Variants in KALRN observed in about 807,000 individuals in gnomAD.
KALRN encodes the protein kalirin.
Under a neutral mutation model 353.7 loss-of-function variants are expected in KALRN, and 70 were observed. The observed-to-expected ratio is 0.20, with a 90% CI of 0.16 to 0.24. The LOEUF is 0.24. Among genes scored for constraint, KALRN ranks in the 10% least tolerant of loss-of-function variants. The pLI is 1.00. For missense variants in KALRN, 2,791 were observed against 3,756.7 expected, an observed-to-expected ratio of 0.74 and a Z score of 6.72; for synonymous variants, 1,391 against 1,434.8, an observed-to-expected ratio of 0.97 and a Z score of 0.69.
chr3:124,696,294 A>T lies in KALRN; in HGVS notation c.7699+39A>T, dbSNP rs766752945. 2.5e-6 allele frequency: 4 copies of T among 1,597,430 alleles called. No individual in the cohort carries two copies. The East Asian group carries it at 9.0e-5, about 36-fold the overall frequency. Reference sequence around the variant, plus strand: ...GTTAGTCAAACCTTTTGAAATATATATATATTTTTAGACAGGTTCTTGCTC... The same window carrying T: ...GTTAGTCAAACCTTTTGAAATATATTTATATTTTTAGACAGGTTCTTGCTC... On this transcript the variant is annotated intron_variant, in intron 54 of 59. Coordinates refer to ENST00000682506, the MANE Select transcript of KALRN (RefSeq NM_001388419.1).
chr3:124,338,049 A>G (rs2081311145), intron 9 of KALRN, among the ~76,000 whole-genome samples: 1 of 151,974 alleles, frequency 6.6e-6, no homozygotes. Context: ...TAGTCTGGCT[A>G]GTGATCTATC....
At position 124,637,203 on chromosome 3, in the gene KALRN, T is replaced by C; in HGVS notation, c.5569-5T>C. 1 of 1,611,722 alleles carries C rather than the reference T, an allele frequency of 6.2e-7. No homozygotes were observed. The highest frequency in any genetic ancestry group is 8.5e-7 in the Non-Finnish European group (1 of 1,177,744). On this transcript the variant is annotated splice_region_variant and splice_polypyrimidine_tract_variant and intron_variant, in intron 36 of 59. Transcript: ENST00000682506. ...GCTTTTCCTCTGCTGCCCGATGTCT[T>C]GCAGTCCTCCTCTTTGCTAGCAGCC...
intron 23 of KALRN, 44 bp from the exon 24 acceptor site, chr3:124,461,846 C>T (rs376474724): frequency 1.4e-6 from 2 of 1,408,424 alleles, no homozygotes; most frequent in African/African-American, 2.8e-5. Flanking sequence ...GGAGGAGAGA[C>T]ATTATATCTA....
intron 15 of KALRN, among the ~76,000 whole-genome samples, chr3:124,426,822 T>C (rs1034451925): frequency 5.9e-5 from 9 of 152,212 alleles, no homozygotes; most frequent in African/African-American, 2.2e-4. Context: ...CTCACATCTA[T>C]TAGACAATTC....
At chr3:124,342,137 T>C (rs2081801858) in intron 9 of KALRN, among the ~76,000 whole-genome samples, 2 of 150,040 alleles carry the variant, frequency 1.3e-5, no homozygotes. Flanking sequence ...TTCATTTAAG[T>C]CTGAGGGTAT....
intron 28 of KALRN, among the ~76,000 whole-genome samples, chr3:124,483,265 GTC>G (rs1253360862): frequency 1.3e-5 from 2 of 152,152 alleles, no homozygotes; most frequent in Non-Finnish European, 2.9e-5. Flanking sequence ...AAGAGGCAGA[GTC>G]TTGCCAGGCA....
intron 43 of KALRN, among the ~76,000 whole-genome samples, chr3:124,660,187 C>T (rs1297701226): frequency 8.5e-5 from 13 of 152,154 alleles, no homozygotes; most frequent in Admixed American, 8.5e-4. Context: ...CCCACCTTGG[C>T]CTCCCAAAGT....
At chr3:124,658,049 G>T (rs868777633) in intron 41 of KALRN, among the ~76,000 whole-genome samples, 75 of 152,294 alleles carry the variant, frequency 4.9e-4, no homozygotes, top group African/African-American at 1.7e-3. Flanking sequence ...AGCCACTTGG[G>T]GGGGCGGAGG....
intron 34 of KALRN, among the ~76,000 whole-genome samples, chr3:124,594,934 CT>C (rs1339725100): frequency 7.9e-5 from 12 of 151,730 alleles, no homozygotes; most frequent in Non-Finnish European, 2.9e-5. Flanking sequence ...TTTTTCTTTC[CT>C]TTTTTCTTTT....
intron 37 of KALRN, among the ~76,000 whole-genome samples, chr3:124,649,609 T>TAAACAAACAAACAAACAAAC (rs75988107): frequency 7.0e-6 from 1 of 143,326 alleles, no homozygotes; most frequent in African/African-American, 2.6e-5. Context: ...CCCAGTCTCT[T>TAAACAAACAAACAAACAAAC]AAACAAACAA....
At chr3:124,408,287 A>T (rs2150202275) in intron 13 of KALRN, among the ~76,000 whole-genome samples, 1 of 152,338 alleles carries the variant, frequency 6.6e-6, no homozygotes, top group East Asian at 1.9e-4. Context: ...TTTTAGAAGA[A>T]GAAGAAAACA....
chr3:124,058,351 T>C (rs2041732159), intron 1 of KALRN, among the ~76,000 whole-genome samples: 1 of 152,222 alleles, frequency 6.6e-6, no homozygotes, highest in Non-Finnish European at 1.5e-5. Flanking sequence ...TCTGTGTCTT[T>C]AGCTGATGCC....
intron 34 of KALRN, among the ~76,000 whole-genome samples, chr3:124,582,598 C>T (rs566725637): frequency 2.1e-4 from 32 of 152,210 alleles, no homozygotes; most frequent in African/African-American, 7.7e-4. Flanking sequence ...CAGGACACTA[C>T]TTTACAAGGT....
At chr3:124,465,718 A>T (rs895853287) in intron 25 of KALRN, among the ~76,000 whole-genome samples, 12 of 152,290 alleles carry the variant, frequency 7.9e-5, no homozygotes, top group Admixed American at 7.2e-4. Flanking sequence ...GTATTATTCC[A>T]AAGTTGCAAT....
intron 34 of KALRN, among the ~76,000 whole-genome samples, chr3:124,610,725 G>A (rs2077853332): frequency 6.6e-6 from 1 of 151,994 alleles, no homozygotes; most frequent in South Asian, 2.1e-4. Flanking sequence ...AATACAATTG[G>A]CTTGACTAGG....
At chr3:124,492,965 G>C in intron 32 of KALRN, 83 bp downstream of exon 32, 39 of 1,517,292 alleles carry the variant, frequency 2.6e-5, no homozygotes, top group Non-Finnish European at 3.4e-5. Context: ...CTTCTGAAGG[G>C]GGATGTGCCC....
chr3:124,199,827 G>A (rs991321103), intron 1 of KALRN, among the ~76,000 whole-genome samples: 1 of 152,122 alleles, frequency 6.6e-6, no homozygotes, highest in South Asian at 2.1e-4. Context: ...GGTGGAGTGA[G>A]GCAAGATAGA....
chr3:124,687,602 A>G (rs957128685), intron 51 of KALRN, among the ~76,000 whole-genome samples: 3 of 145,330 alleles, frequency 2.1e-5, no homozygotes, highest in African/African-American at 7.3e-5. Flanking sequence ...TACTTGACAC[A>G]TGGACACATA....
chr3:124,433,134 T>C (rs116408681), intron 16 of KALRN, among the ~76,000 whole-genome samples: 1,601 of 152,292 alleles, frequency 0.011, 30 homozygotes, highest in African/African-American at 0.037. Flanking sequence ...TTGACAGTGT[T>C]ACTAGAGGCC....
Sources: allele counts gnomAD v4.1 joint callset (sites outside exome capture counted in the v4.1 genomes callset), GRCh38; gene constraint gnomAD v4.1.1; transcripts MANE v1.5; gene names NCBI Gene and HGNC (gene_info 2026-07-23, HGNC 2026-07-21).